Variants in UGT2B7 observed in about 807,000 individuals in gnomAD.
The protein encoded by UGT2B7 is UDP-glucuronosyltransferase 2B7.
A neutral mutation model predicts 51.9 loss-of-function variants in UGT2B7; 51 were observed. The observed-to-expected ratio is 0.98, with a 90% CI of 0.78 to 1.24. The LOEUF (loss-of-function observed/expected upper bound fraction) is 1.24. Ranked by LOEUF, UGT2B7 falls within the 50% of genes most tolerant of loss-of-function variation. The probability of loss-of-function intolerance (pLI) is 0.00; values close to 1 mark genes in which losing one functional copy is unlikely to be tolerated. For missense variants in UGT2B7, 727 were observed against 628.4 expected, an observed-to-expected ratio of 1.16 and a Z score of -1.68; for synonymous variants, 225 against 211.6, an observed-to-expected ratio of 1.06 and a Z score of -0.55.
At chr4:69,052,873 G>A (rs1330376728) in intron 1 of UGT2B7, among the ~76,000 whole-genome samples, 4 of 152,126 alleles carry the variant, frequency 2.6e-5, no homozygotes, top group South Asian at 2.1e-4. Context: ...TTATAAGGAG[G>A]CATAAAAATG....
intron 2 of UGT2B7, among the ~76,000 whole-genome samples, chr4:69,100,980 G>A (rs1051131302): frequency 6.6e-6 from 1 of 151,940 alleles, no homozygotes; most frequent in South Asian, 2.1e-4. Flanking sequence ...TAATCAAGGT[G>A]TACCTATTAA....
chr4:69,081,877 G>GT (rs1553912445), intron 1 of UGT2B7, among the ~76,000 whole-genome samples: 19 of 151,968 alleles, frequency 1.3e-4, no homozygotes, highest in East Asian at 1.9e-4. Flanking sequence ...CACATATTTA[G>GT]GTTTTTTTGT....
chr4:69,096,204 C>T (rs1028315270), upstream of UGT2B7, among the ~76,000 whole-genome samples: 27 of 152,136 alleles, frequency 1.8e-4, no homozygotes, highest in African/African-American at 6.3e-4. Flanking sequence ...AGATCTGTCA[C>T]TGCTACTGTT....
intron 5 of UGT2B7, among the ~76,000 whole-genome samples, chr4:69,111,449 C>T (rs571310907): frequency 2.2e-4 from 33 of 152,126 alleles, no homozygotes; most frequent in Non-Finnish European, 3.8e-4. Flanking sequence ...GACACAATTA[C>T]TTTTTCGGAA....
At chr4:69,066,954 T>A (rs577614405) in intron 1 of UGT2B7, among the ~76,000 whole-genome samples, 68 of 152,192 alleles carry the variant, frequency 4.5e-4, no homozygotes, top group African/African-American at 1.5e-3. Context: ...GTGTGGCCTG[T>A]CCTTCCTCTA....
In UGT2B7 at chr4:69,097,076, G is replaced by A. The variant is rs1391873315; in HGVS notation, c.556G>A (p.Gly186Arg). 1.9e-6 allele frequency: 3 copies of A among 1,613,560 alleles called. No homozygotes were observed. The highest frequency in any genetic ancestry group is 2.5e-6 in the Non-Finnish European group (3 of 1,179,740). ...PGYTFEKHSG[G>R]FIFPPSYVPV... ...CTACACTTTTGAAAAGCATAGTGGA[G>A]GATTTATTTTCCCTCCTTCCTACGT... is the stretch of plus-strand genomic sequence containing the variant. Residue 186 changes from glycine to arginine, a missense_variant, in exon 1 of 6, where the codon GGA becomes AGA. Gly to Arg is a moderately radical substitution (Grantham distance 125, BLOSUM62 -2). Coordinates refer to ENST00000305231, the MANE Select transcript of UGT2B7 (RefSeq NM_001074.4).
Position 69,087,326 on chromosome 4 carries a change from T to C in UGT2B7, c.-158-2146T>C, listed in dbSNP as rs150798532. Among the ~76,000 whole-genome samples, 70 of 152,126 alleles carry C rather than the reference T, an allele frequency of 4.6e-4. 1 individual carries two copies. Among genetic ancestry groups the C allele is most frequent in the African/African-American group, 1.6e-3 (67 of 41,570 alleles). ...AAGAAAAATAAACAGAACTCTGTAT[T>C]TTGACATAATTTTGTCTTCCACATA... is the stretch of plus-strand genomic sequence containing the variant. On this transcript the variant is annotated intron_variant, in intron 1 of 5. Coordinates refer to the UGT2B7 transcript ENST00000502942.
rs192894029 is a variant in UGT2B7, at chr4:69,068,531, G to A, written c.-159+16929G>A. Among the ~76,000 whole-genome samples, 287 of 151,948 alleles carry A rather than the reference G, an allele frequency of 1.9e-3. 1 individual carries two copies. Among genetic ancestry groups the A allele is most frequent in the Middle Eastern group, 6.8e-3 (2 of 292 alleles). Reference sequence around the variant, plus strand: ...CAGTTATGCTATTACTATTATATTAGTAATAGCAATAATTTTTAATAAGCA... The same window carrying A: ...CAGTTATGCTATTACTATTATATTAATAATAGCAATAATTTTTAATAAGCA... On this transcript the variant is annotated intron_variant, in intron 1 of 5. Transcript: ENST00000502942.
Position 69,112,460 on chromosome 4 carries a change from T to G in UGT2B7, c.1314T>G (p.Tyr438Ter). The change falls in exon 6 of 6, where the codon TAT becomes TAG. Residue 438 changes from tyrosine (Y) to a stop codon, truncating the protein, a stop_gained. Transcript: ENST00000305231. LOFTEE classifies it high-confidence loss of function. ...ALKRVINDPS[Y>*]KENVMKLSRI... ...TGTCTTTATTTTTATCTTTCAGATA[T>G]AAAGAGAATGTTATGAAATTATCAA... 1 of 1,613,042 alleles carries G rather than the reference T, an allele frequency of 6.2e-7. No homozygotes were observed. The highest frequency in any genetic ancestry group is 8.5e-7 in the Non-Finnish European group (1 of 1,179,582).
At chr4:69,054,307 G>C (rs999831401) in intron 1 of UGT2B7, among the ~76,000 whole-genome samples, 9 of 151,976 alleles carry the variant, frequency 5.9e-5, no homozygotes, top group African/African-American at 1.9e-4. Flanking sequence ...AAAAAGACAG[G>C]GTTTCCAAAG....
intron 5 of UGT2B7, among the ~76,000 whole-genome samples, chr4:69,109,283 G>C (rs1234083026): frequency 6.6e-5 from 10 of 152,002 alleles, no homozygotes; most frequent in Non-Finnish European, 2.9e-5. Context: ...TGCTTCATGT[G>C]GGAACTGTAT....
intron 1 of UGT2B7, among the ~76,000 whole-genome samples, chr4:69,060,150 G>A (rs568435620): frequency 5.3e-5 from 8 of 152,324 alleles, no homozygotes; most frequent in African/African-American, 1.7e-4. Context: ...CCCGACCTGA[G>A]AGGACTGCTT....
At chr4:69,079,816 C>T (rs1364480316) in intron 1 of UGT2B7, among the ~76,000 whole-genome samples, 1 of 151,734 alleles carries the variant, frequency 6.6e-6, no homozygotes, top group East Asian at 1.9e-4. Flanking sequence ...TAAAACCTGA[C>T]TTTGGCTTTT....
chr4:69,087,360 T>C (rs1718984411), intron 1 of UGT2B7, among the ~76,000 whole-genome samples: 1 of 152,004 alleles, frequency 6.6e-6, no homozygotes, highest in South Asian at 2.1e-4. Context: ...TATTGACTTT[T>C]TCATGTCTCA....
chr4:69,082,608 T>TG (rs1718864594), intron 1 of UGT2B7, among the ~76,000 whole-genome samples: 5 of 151,912 alleles, frequency 3.3e-5, no homozygotes, highest in Admixed American at 6.6e-5. Flanking sequence ...AAGGCTGAAA[T>TG]ACATGAGGGA....
chr4:69,098,832 A>C, intron 2 of UGT2B7, 144 bp downstream of exon 2: 10 of 1,380,118 alleles, frequency 7.2e-6, no homozygotes, highest in African/African-American at 1.5e-5. Context: ...TTAGAAACTC[A>C]TGTGCACGTT....
chr4:69,065,380 C>T (rs1024414524), intron 1 of UGT2B7, among the ~76,000 whole-genome samples: 2 of 152,130 alleles, frequency 1.3e-5, no homozygotes, highest in Non-Finnish European at 2.9e-5. Flanking sequence ...TTAAGGTAGA[C>T]AGAATCTGTC....
chr4:69,110,290 T>A (rs1405260249), intron 5 of UGT2B7, among the ~76,000 whole-genome samples: 1 of 152,040 alleles, frequency 6.6e-6, no homozygotes, highest in Non-Finnish European at 1.5e-5. Context: ...TTCAATATCA[T>A]AAAGACTATA....
At chr4:69,079,526 T>G (rs1024348992) in intron 1 of UGT2B7, among the ~76,000 whole-genome samples, 2 of 152,182 alleles carry the variant, frequency 1.3e-5, no homozygotes, top group African/African-American at 4.8e-5. Flanking sequence ...TTTCACAACA[T>G]AGCATATTGT....
Sources: gnomAD v4.1 joint callset for allele counts (sites outside exome capture counted in the v4.1 genomes callset) on GRCh38, gnomAD v4.1.1 for gene constraint, MANE v1.5 for transcripts, NCBI Gene and HGNC (gene_info 2026-07-23, HGNC 2026-07-21) for gene names.